SCRG1: variants seen among roughly 807,000 people sequenced by gnomAD.
SCRG1 encodes stimulator of chondrogenesis 1, also known as scrapie-responsive protein 1.
Under a neutral mutation model 7.7 loss-of-function variants are expected in SCRG1, and 3 were observed. That is an observed-to-expected ratio of 0.39 (90% CI 0.18 to 1.01). SCRG1 has a LOEUF of 1.01. Among genes scored for constraint, SCRG1 ranks in the 50% least tolerant of loss-of-function variants. SCRG1 has a pLI of 0.36. For synonymous variants in SCRG1, 46 were observed against 41.2 expected (o/e 1.12, Z -0.44); for missense variants, 110 against 117.2 (o/e 0.94, Z 0.28).
chr4:173,459,474 G>A, the SCRG1 span, among the ~76,000 whole-genome samples: 2 of 152,104 alleles, frequency 1.3e-5, no homozygotes, highest in Non-Finnish European at 2.9e-5. Flanking sequence ...TGAAACTCTT[G>A]AATACATGAA....
rs556183519 is a variant in SCRG1 at position 173,405,999 on chromosome 4, G to A, written c.-748+261C>T. Among the ~76,000 whole-genome samples the A allele has an allele frequency of 2.0e-4, 30 of 152,322 alleles. No individual in the cohort carries two copies. The East Asian group carries it at 5.4e-3, about 27-fold the overall frequency. On this transcript the variant is annotated intron_variant and NMD_transcript_variant, in intron 1 of 8. Transcript: ENST00000512188. Reference sequence around the variant, plus strand: ...AGCTGACAGAGCAAGGAAATATACTGTGTATACCAACCTGTGTAAATACAC... The same window carrying A: ...AGCTGACAGAGCAAGGAAATATACTATGTATACCAACCTGTGTAAATACAC...
the SCRG1 span, among the ~76,000 whole-genome samples, chr4:173,483,845 A>G: frequency 1.2e-4 from 2 of 16,340 alleles, no homozygotes; most frequent in Non-Finnish European, 3.5e-4. Flanking sequence ...TATAATATAT[A>G]ATATATATTT....
At chr4:173,392,265 T>C (rs1739471287) in intron 1 of SCRG1, among the ~76,000 whole-genome samples, 1 of 152,216 alleles carries the variant, frequency 6.6e-6, no homozygotes, top group Non-Finnish European at 1.5e-5. Flanking sequence ...CACATTATGG[T>C]TGCAAATTTT....
At chr4:173,467,606 T>C in the SCRG1 span, among the ~76,000 whole-genome samples, 1 of 152,170 alleles carries the variant, frequency 6.6e-6, no homozygotes, top group Non-Finnish European at 1.5e-5. Flanking sequence ...TCACCTATAA[T>C]TCTTAGAACC....
the SCRG1 span, among the ~76,000 whole-genome samples, chr4:173,511,800 G>T: frequency 6.6e-6 from 1 of 152,132 alleles, no homozygotes; most frequent in African/African-American, 2.4e-5. This position sits in a 1 kb window ranked among gnomAD's most constrained non-coding sequence, Gnocchi z 5.2. Flanking sequence ...ACTTGGCTTA[G>T]TAATGTTCTG....
At chr4:173,448,070 C>T in the SCRG1 span, among the ~76,000 whole-genome samples, 1 of 152,228 alleles carries the variant, frequency 6.6e-6, no homozygotes, top group Admixed American at 6.5e-5. Context: ...TGCCACTGCA[C>T]TCCAGCCTGG....
the SCRG1 span, chr4:173,419,834 C>A: frequency 5.0e-6 from 7 of 1,400,556 alleles, no homozygotes; most frequent in Admixed American, 8.4e-5. Context: ...CTTGTCCATG[C>A]CTAACCTATT....
chr4:173,410,792 T>A (rs1382240079), upstream of SCRG1, among the ~76,000 whole-genome samples: 2 of 152,192 alleles, frequency 1.3e-5, no homozygotes, highest in Non-Finnish European at 2.9e-5. Context: ...AAACTATATA[T>A]CTCAAGAGAC....
the SCRG1 span, among the ~76,000 whole-genome samples, chr4:173,496,215 C>T: frequency 1.1e-4 from 17 of 151,980 alleles, no homozygotes; most frequent in African/African-American, 3.9e-4. Flanking sequence ...CATTAAAGAT[C>T]GGTCCAGCTG....
the SCRG1 span, among the ~76,000 whole-genome samples, chr4:173,516,175 A>C: frequency 6.6e-6 from 1 of 152,198 alleles, no homozygotes; most frequent in South Asian, 2.1e-4. Flanking sequence ...TACCAGTATC[A>C]ATTAGCCGCT....
At chr4:173,432,526 C>A in the SCRG1 span, among the ~76,000 whole-genome samples, 1 of 151,884 alleles carries the variant, frequency 6.6e-6, no homozygotes, top group Non-Finnish European at 1.5e-5. Flanking sequence ...CTCTTTCTAC[C>A]CACTTTCTAC....
chr4:173,446,127 A>T, the SCRG1 span, among the ~76,000 whole-genome samples: 3 of 152,300 alleles, frequency 2.0e-5, no homozygotes, highest in East Asian at 5.8e-4. Flanking sequence ...GAATTATAAG[A>T]TAATGGTTTC....
At chr4:173,393,091 GA>G (rs144270068) in intron 1 of SCRG1, among the ~76,000 whole-genome samples, 55,816 of 136,422 alleles carry the variant, frequency 0.41, 11,941 homozygotes, top group East Asian at 0.56. Context: ...ACTCCGTCTC[GA>G]AAAAAAAAAA....
chr4:173,400,251 T>A (rs1004807607), upstream of SCRG1, among the ~76,000 whole-genome samples: 2 of 152,182 alleles, frequency 1.3e-5, no homozygotes, highest in East Asian at 3.8e-4. Context: ...CTTAAGTGTT[T>A]ATGTTTAGCA....
intron 1 of SCRG1, among the ~76,000 whole-genome samples, chr4:173,397,848 A>C (rs1364601597): frequency 6.6e-6 from 1 of 152,230 alleles, no homozygotes; most frequent in Non-Finnish European, 1.5e-5. Context: ...AACAGAGTTG[A>C]TGAATTAGAC....
chr4:173,424,157 A>G, the SCRG1 span, among the ~76,000 whole-genome samples: 1 of 152,148 alleles, frequency 6.6e-6, no homozygotes. Flanking sequence ...TATACAGCTC[A>G]TATTGAGGGA....
At chr4:173,444,028 C>T in the SCRG1 span, among the ~76,000 whole-genome samples, 1 of 150,586 alleles carries the variant, frequency 6.6e-6, no homozygotes, top group African/African-American at 2.4e-5. Context: ...GGCTGGAGTG[C>T]AATGGTGTGA....
At chr4:173,518,644 C>T in the SCRG1 span, among the ~76,000 whole-genome samples, 3 of 152,122 alleles carry the variant, frequency 2.0e-5, no homozygotes, top group Non-Finnish European at 4.4e-5. Context: ...CTGCCGAGCC[C>T]CTGCTGCATC....
At chr4:173,407,391 G>A (rs373684904), upstream of SCRG1, among the ~76,000 whole-genome samples, 70 of 151,776 alleles carry the variant, frequency 4.6e-4, no homozygotes, top group East Asian at 9.7e-3. Context: ...AAAATTAGCC[G>A]CACATGGTGG....
Sources: gnomAD v4.1 joint callset for allele counts (sites outside exome capture counted in the v4.1 genomes callset) on GRCh38, gnomAD v4.1.1 for gene constraint, Gnocchi (gnomAD v3.1) non-coding constraint, MANE v1.5 for transcripts, NCBI Gene and HGNC (gene_info 2026-07-23, HGNC 2026-07-21) for gene names.